TNFRSF8: variants seen among roughly 807,000 people sequenced by gnomAD.
TNFRSF8 encodes the protein tumor necrosis factor receptor superfamily member 8.
Under a neutral mutation model 70.8 loss-of-function variants are expected in TNFRSF8, and 26 were observed. The ratio of observed to expected loss-of-function variants is 0.37; its 90% CI spans 0.27 to 0.51. The LOEUF (loss-of-function observed/expected upper bound fraction) is 0.51, where lower values mean the gene tolerates loss of function less well. TNFRSF8 is among the 20% of genes least tolerant of loss of function. The probability of loss-of-function intolerance (pLI) is 0.94; values close to 1 mark genes in which losing one functional copy is unlikely to be tolerated. For missense variants in TNFRSF8, 720 were observed against 807.9 expected (o/e 0.89, Z 1.32); for synonymous variants, 356 against 339.2 (o/e 1.05, Z -0.54).
At chr1:12,092,431 C>T (rs1570012590) in intron 2 of TNFRSF8, among the ~76,000 whole-genome samples, 1 of 151,990 alleles carries the variant, frequency 6.6e-6, no homozygotes, top group East Asian at 1.9e-4. Context: ...TTTCAGCCTC[C>T]TAAAGTGTTG....
Position 12,126,211 on chromosome 1 carries a change from C to T in TNFRSF8, c.1284C>T (p.Thr428=). 1.2e-6 allele frequency: 2 copies of T among 1,614,190 alleles called. No individual in the cohort carries two copies. Among genetic ancestry groups the T allele is most frequent in the Non-Finnish European group, 1.7e-6 (2 of 1,180,036 alleles). ...QKLHLCYPVQ[T]SQPKLELVDS... ...TCCACCTGTGCTACCCGGTCCAGAC[C>T]TCCCAGCCCAAGCTAGAGCTTGTGG... Residue 428 remains threonine, a synonymous_variant, in exon 12 of 15, where the codon ACC becomes ACT. Transcript: ENST00000263932.
intron 1 of TNFRSF8, among the ~76,000 whole-genome samples, chr1:12,066,584 C>T (rs910032921): frequency 3.3e-5 from 5 of 152,062 alleles, no homozygotes; most frequent in Non-Finnish European, 7.4e-5. Context: ...AACTCCTGAC[C>T]TCAGGAGATC....
chr1:12,135,722 A>T, intron 13 of TNFRSF8, 109 bp downstream of exon 13: 1 of 1,466,086 alleles, frequency 6.8e-7, no homozygotes, highest in African/African-American at 1.4e-5. Flanking sequence ...GAGGGAGGGG[A>T]CGGACTGGCC....
chr1:12,086,946 G>C (rs1394438620), intron 2 of TNFRSF8, among the ~76,000 whole-genome samples: 1 of 151,876 alleles, frequency 6.6e-6, no homozygotes, highest in African/African-American at 2.4e-5. Flanking sequence ...TTTAACATAT[G>C]AACTTTGTGG....
chr1:12,088,132 A>G lies in TNFRSF8; in HGVS notation c.151+3581A>G, dbSNP rs980122519. ...GCTGAGGGACCTTTGAGATTGAAAAATGTAGATGTCATCGAATCCCTCCTT... is the reference window on the plus strand; with the variant it reads ...GCTGAGGGACCTTTGAGATTGAAAAGTGTAGATGTCATCGAATCCCTCCTT... On this transcript the variant is annotated intron_variant, in intron 2 of 14. Transcript: ENST00000263932. This position sits in a 1 kb window ranked among gnomAD's most constrained non-coding sequence, Gnocchi z 4.0. Among the ~76,000 whole-genome samples the G allele has an allele frequency of 6.6e-6, 1 of 152,060 alleles. No homozygotes were observed. Among genetic ancestry groups the G allele is most frequent in the Non-Finnish European group, 1.5e-5 (1 of 68,006 alleles).
At chr1:12,105,954 A>AG (rs992545269) in intron 4 of TNFRSF8, among the ~76,000 whole-genome samples, 3 of 151,706 alleles carry the variant, frequency 2.0e-5, no homozygotes, top group African/African-American at 7.3e-5. Flanking sequence ...AAAAAAAAAA[A>AG]AAAAGAAAAC....
At chr1:12,097,362 T>TTTG in intron 3 of TNFRSF8, 145 bp downstream of exon 3, 2 of 585,662 alleles carry the variant, frequency 3.4e-6, no homozygotes. Flanking sequence ...AGTTTACCTC[T>TTTG]CTGCATTTGT....
At position 12,142,376 on chromosome 1, in the gene TNFRSF8, G is replaced by A. The variant is rs1485295702; in HGVS notation, c.1633G>A (p.Glu545Lys). ...GGGCCGGGGCCTGGCGGGGCCAGCAGAGCCCGAGTTGGAGGAGGAGCTGGA... is the reference window on the plus strand; with the variant it reads ...GGGCCGGGGCCTGGCGGGGCCAGCAAAGCCCGAGTTGGAGGAGGAGCTGGA... The part of the protein sequence containing the change: ...PEGRGLAGPA[E>K]PELEEELEAD... The change falls in exon 15 of 15, where the codon GAG (glutamate) becomes AAG (lysine). Residue 545 changes from glutamate (E) to lysine (K), a missense_variant. Physicochemically the swap from Glu to Lys is moderately conservative, Grantham distance 56. Transcript: ENST00000263932. The surrounding 1 kb of genome is among the most constrained non-coding windows in gnomAD (Gnocchi z 5.0). The A allele has an allele frequency of 6.2e-7, 1 of 1,611,532 alleles. No homozygotes were observed. Among genetic ancestry groups the A allele is most frequent in the Admixed American group, 1.7e-5 (1 of 59,744 alleles).
chr1:12,097,317 G>T, intron 3 of TNFRSF8, 100 bp downstream of exon 3: 1 of 822,500 alleles, frequency 1.2e-6, no homozygotes, highest in Non-Finnish European at 2.0e-6. Context: ...ATCATGATTT[G>T]ATGTCTGTTC....
intron 8 of TNFRSF8, among the ~76,000 whole-genome samples, chr1:12,117,849 A>C (rs1641760564): frequency 6.7e-6 from 1 of 148,876 alleles, no homozygotes. Flanking sequence ...TATACCTCCC[A>C]CCCCCTCACC....
At chr1:12,121,254 G>C (rs1376319963) in intron 8 of TNFRSF8, among the ~76,000 whole-genome samples, 1 of 152,216 alleles carries the variant, frequency 6.6e-6, no homozygotes, top group East Asian at 1.9e-4. Context: ...TCCCCAAAGA[G>C]GGGGGTTCCT....
intron 7 of TNFRSF8, among the ~76,000 whole-genome samples, chr1:12,114,364 C>T (rs1415446046): frequency 1.3e-5 from 2 of 152,264 alleles, no homozygotes; most frequent in South Asian, 2.1e-4. Context: ...TAATAGCTGC[C>T]ATTGTCCCAA....
intron 2 of TNFRSF8, 110 bp downstream of exon 2, chr1:12,084,661 A>G: frequency 9.7e-7 from 1 of 1,032,006 alleles, no homozygotes; most frequent in Non-Finnish European, 1.5e-6. Context: ...CATCGTCATA[A>G]TTGGCTACAG....
Position 12,138,571 on chromosome 1 carries a change from A to G in TNFRSF8, c.1543+135A>G. ...AGGAAAGGAGAGGCATAGATTCTTC[A>G]CCCCAATTGAAGTTTCTGTAAGTAG... is the stretch of plus-strand genomic sequence containing the variant. On this transcript the variant is annotated intron_variant, in intron 14 of 14. Transcript: ENST00000263932. This position sits in a 1 kb window ranked among gnomAD's most constrained non-coding sequence, Gnocchi z 5.7. 5 of 911,238 alleles carry G rather than the reference A, an allele frequency of 5.5e-6. No homozygotes were observed. The highest frequency in any genetic ancestry group is 8.2e-6 in the Non-Finnish European group (5 of 612,274). 56.4% of individuals were successfully genotyped at this position (911,238 alleles called of 1,614,324 possible).
chr1:12,114,937 G>C (rs867095063), intron 7 of TNFRSF8, among the ~76,000 whole-genome samples: 1 of 151,946 alleles, frequency 6.6e-6, no homozygotes, highest in Non-Finnish European at 1.5e-5. Flanking sequence ...TTGAACTCCT[G>C]ACCTTGTGAT....
rs1641201144 is a variant in TNFRSF8 at position 12,088,987 on chromosome 1, GC to G, written c.151+4442del. Among the ~76,000 whole-genome samples, 1 of 152,026 alleles carries G rather than the reference GC, an allele frequency of 6.6e-6. No individual in the cohort carries two copies. The highest frequency in any genetic ancestry group is 2.4e-5 in the African/African-American group (1 of 41,392). On this transcript the variant is annotated intron_variant, in intron 2 of 14. Coordinates refer to ENST00000263932, the MANE Select transcript of TNFRSF8 (RefSeq NM_001243.5). The surrounding 1 kb of genome is among the most constrained non-coding windows in gnomAD (Gnocchi z 4.0). ...CAGAGCCCCCTCACAGCACCTCCTG[GC>G]CCCCCACTGTCCCTGTGTGCTTGAC...
chr1:12,137,194 G>A (rs1044513740), intron 13 of TNFRSF8, among the ~76,000 whole-genome samples: 1 of 151,930 alleles, frequency 6.6e-6, no homozygotes, highest in Non-Finnish European at 1.5e-5. Flanking sequence ...GAATCTCAGC[G>A]CCTTTTAAAA....
At chr1:12,103,560 C>G (rs1384964762) in intron 3 of TNFRSF8, among the ~76,000 whole-genome samples, 1 of 152,130 alleles carries the variant, frequency 6.6e-6, no homozygotes, top group African/African-American at 2.4e-5. Context: ...GCCTCAACCT[C>G]CTGGGCTCAA....
At chr1:12,089,702 A>G (rs896131976) in intron 2 of TNFRSF8, among the ~76,000 whole-genome samples, 8 of 152,140 alleles carry the variant, frequency 5.3e-5, no homozygotes, top group Admixed American at 1.3e-4. Flanking sequence ...ATGCTTATAT[A>G]TATCTGATAC....
Sources: allele counts gnomAD v4.1 joint callset (sites outside exome capture counted in the v4.1 genomes callset), GRCh38; gene constraint gnomAD v4.1.1; non-coding constraint Gnocchi (gnomAD v3.1); transcripts MANE v1.5; gene names NCBI Gene and HGNC (gene_info 2026-07-23, HGNC 2026-07-21).